NKAIN3: variants seen among roughly 807,000 people sequenced by gnomAD.
The protein encoded by NKAIN3 is sodium/potassium-transporting ATPase subunit beta-1-interacting protein 3.
In NKAIN3, 25 loss-of-function variants were observed where a neutral mutation model predicts 30.2. The observed-to-expected ratio is 0.83, with a 90% CI of 0.60 to 1.16. NKAIN3 has a LOEUF of 1.16. NKAIN3 is among the 50% of genes most tolerant of loss of function. The probability of loss-of-function intolerance (pLI) is 0.00; values close to 1 mark genes in which losing one functional copy is unlikely to be tolerated. For synonymous variants in NKAIN3, 91 were observed against 89.6 expected (o/e 1.02, Z -0.09); for missense variants, 225 against 254.1 (o/e 0.89, Z 0.78).
intron 1 of NKAIN3, among the ~76,000 whole-genome samples, chr8:62,524,225 A>AAC (rs1808236009): frequency 1.3e-5 from 2 of 148,310 alleles, no homozygotes; most frequent in Admixed American, 1.3e-4. Flanking sequence ...CCCCCACCAA[A>AAC]ATATATATAT....
chr8:62,993,922 A>G (rs945971614), intron 5 of NKAIN3, among the ~76,000 whole-genome samples: 4 of 152,228 alleles, frequency 2.6e-5, no homozygotes, highest in Non-Finnish European at 4.4e-5. Flanking sequence ...AGCATGCCCC[A>G]TAACTTATAA....
At chr8:62,319,849 T>C (rs1814808750) in intron 1 of NKAIN3, among the ~76,000 whole-genome samples, 1 of 152,188 alleles carries the variant, frequency 6.6e-6, no homozygotes, top group Non-Finnish European at 1.5e-5. Flanking sequence ...CTATTAGGTC[T>C]GCTTGGTGCT....
chr8:62,826,588 C>T (rs530683520), intron 4 of NKAIN3, among the ~76,000 whole-genome samples: 15 of 152,152 alleles, frequency 9.9e-5, no homozygotes, highest in South Asian at 4.1e-4. Context: ...AATGGATGAA[C>T]GTAGAGAAAT....
At chr8:62,612,871 ACAAG>A (rs1811338159) in intron 3 of NKAIN3, among the ~76,000 whole-genome samples, 1 of 152,110 alleles carries the variant, frequency 6.6e-6, no homozygotes, top group Non-Finnish European at 1.5e-5. Context: ...ATTTGCATAA[ACAAG>A]CAAGCAAAAA....
At chr8:62,964,280 T>C (rs1038334650) in intron 6 of NKAIN3, among the ~76,000 whole-genome samples, 3 of 152,126 alleles carry the variant, frequency 2.0e-5, no homozygotes, top group Non-Finnish European at 4.4e-5. Context: ...AGACTTTTCA[T>C]AGGAGAGAAA....
chr8:62,800,302 T>C lies in NKAIN3; in HGVS notation c.471+53173T>C, dbSNP rs1818013362. Among the ~76,000 whole-genome samples the C allele has an allele frequency of 2.0e-5, 3 of 152,232 alleles. No individual in the cohort carries two copies. The South Asian group carries it at 6.2e-4, about 31-fold the overall frequency. ...TTTTGTATATGCCAGTGGTTGATTC[T>C]GCCAATTATTACTCGTGGAGGGGTT... On this transcript the variant is annotated intron_variant, in intron 4 of 6. Coordinates refer to ENST00000623646, the MANE Select transcript of NKAIN3 (RefSeq NM_001304533.3).
chr8:62,335,720 C>T (rs1465407011), intron 1 of NKAIN3, among the ~76,000 whole-genome samples: 1 of 152,000 alleles, frequency 6.6e-6, no homozygotes, highest in African/African-American at 2.4e-5. Context: ...TCACTAGATC[C>T]TTAACTAGGC....
rs533712777 is a variant in NKAIN3 at position 62,851,417 on chromosome 8, C to CT, written c.472-67034dup. The stretch of plus-strand genomic sequence containing the variant: ...TCCTCTGCAAACAGGGACAATTTGA[C>CT]TTCCTCTTTTCCTAATTGAATACCC... On this transcript the variant is annotated intron_variant, in intron 4 of 6. Transcript: ENST00000623646. 7.1e-4 allele frequency among the ~76,000 whole-genome samples: 108 copies of CT among 152,302 alleles called. 1 individual carries two copies. The East Asian group carries it at 0.019, about 26-fold the overall frequency.
In NKAIN3 at chr8:62,975,521, A is replaced by G. The variant is rs1331101216; in HGVS notation, c.*10114A>G. Among the ~76,000 whole-genome samples, 1 of 152,094 alleles carries G rather than the reference A, an allele frequency of 6.6e-6. No homozygotes were observed. Among genetic ancestry groups the G allele is most frequent in the Non-Finnish European group, 1.5e-5 (1 of 67,990 alleles). ...GATTAGTGGTGATCTCCACTTTATC[A>G]CTTTTTATTGTGTCTATTTGATTCT... On this transcript the variant is annotated 3_prime_UTR_variant, in exon 7 of 7. Coordinates refer to ENST00000623646, the MANE Select transcript of NKAIN3 (RefSeq NM_001304533.3).
chr8:62,857,619 T>C (rs1319409574), intron 4 of NKAIN3, among the ~76,000 whole-genome samples: 1 of 152,236 alleles, frequency 6.6e-6, no homozygotes, highest in Non-Finnish European at 1.5e-5. Flanking sequence ...TGAAATTCTT[T>C]CTTCCACTTG....
chr8:62,499,818 G>GTTTC lies in NKAIN3; in HGVS notation c.55-79704_55-79701dup, dbSNP rs377627927. Among the ~76,000 whole-genome samples the GTTTC allele has an allele frequency of 5.1e-3, 491 of 96,086 alleles. 2 individuals are homozygous for GTTTC. Among genetic ancestry groups the GTTTC allele is most frequent in the African/African-American group, 0.013 (441 of 33,148 alleles). 63.0% of individuals were successfully genotyped at this position (96,086 alleles called of 152,430 possible). A position where few individuals can be genotyped will look rare whatever the true frequency, so the allele number is the denominator to read the frequency against. ...AAGCTGTGATCAGGTTTGTTTGTTT[G>GTTTC]TTTCTTTCTTTCTTTCTTTCCTTCT... On this transcript the variant is annotated intron_variant, in intron 1 of 6. Transcript: ENST00000623646.
intron 1 of NKAIN3, among the ~76,000 whole-genome samples, chr8:62,566,594 C>G (rs1809757012): frequency 1.3e-5 from 2 of 152,140 alleles, no homozygotes; most frequent in Admixed American, 1.3e-4. Flanking sequence ...TTCCACATTA[C>G]TTTAATCATA....
intron 3 of NKAIN3, among the ~76,000 whole-genome samples, chr8:62,638,101 G>T (rs1324111184): frequency 6.6e-6 from 1 of 152,104 alleles, no homozygotes; most frequent in Non-Finnish European, 1.5e-5. Flanking sequence ...CTCCAACTAT[G>T]AGTGTTCCTA....
intron 1 of NKAIN3, among the ~76,000 whole-genome samples, chr8:62,382,148 G>C (rs1817298127): frequency 6.6e-6 from 1 of 152,036 alleles, no homozygotes; most frequent in Non-Finnish European, 1.5e-5. Context: ...TGACTGGAAG[G>C]CTTATGGTTA....
chr8:62,908,161 C>A (rs1179860427), intron 4 of NKAIN3, among the ~76,000 whole-genome samples: 1 of 152,136 alleles, frequency 6.6e-6, no homozygotes, highest in African/African-American at 2.4e-5. Context: ...GCGCTTACTG[C>A]CCTGCTGGAT....
intron 3 of NKAIN3, among the ~76,000 whole-genome samples, chr8:62,610,870 GT>G (rs1563482563): frequency 6.6e-6 from 1 of 151,906 alleles, no homozygotes; most frequent in African/African-American, 2.4e-5. Context: ...GCCCTACTAC[GT>G]TTTTTACTAT....
intron 4 of NKAIN3, among the ~76,000 whole-genome samples, chr8:62,759,590 C>T (rs1181386351): frequency 6.6e-6 from 1 of 152,050 alleles, no homozygotes; most frequent in Non-Finnish European, 1.5e-5. Flanking sequence ...TTGGATAAGA[C>T]AGCAATTTAA....
chr8:62,973,782 G>T lies in NKAIN3; in HGVS notation c.*8375G>T, dbSNP rs1823885167. 6.6e-6 allele frequency among the ~76,000 whole-genome samples: 1 copy of T among 152,120 alleles called. No individual in the cohort carries two copies. Among genetic ancestry groups the T allele is most frequent in the Non-Finnish European group, 1.5e-5 (1 of 68,036 alleles). ...GGTATTGCTTAGGTTTTCTTCTAGG[G>T]TTTTAATGGCTTTGGGTTTTACATT... On this transcript the variant is annotated 3_prime_UTR_variant, in exon 7 of 7. Coordinates refer to ENST00000623646, the MANE Select transcript of NKAIN3 (RefSeq NM_001304533.3).
Position 62,983,541 on chromosome 8 carries a change from T to G in NKAIN3, c.*18134T>G, listed in dbSNP as rs1243583402. ...CAAATTCACATTTTAATTTAGGGAG[T>G]TTAGGAGATACATCCTAGTGTGGAT... On this transcript the variant is annotated 3_prime_UTR_variant, in exon 7 of 7. Coordinates refer to ENST00000623646, the MANE Select transcript of NKAIN3 (RefSeq NM_001304533.3). 1 of 152,094 alleles carries G rather than the reference T, an allele frequency of 6.6e-6. No homozygotes were observed. 9.4% of individuals were successfully genotyped at this position (152,094 alleles called of 1,614,324 possible).
Sources: gnomAD v4.1 joint callset for allele counts (sites outside exome capture counted in the v4.1 genomes callset) on GRCh38, gnomAD v4.1.1 for gene constraint, MANE v1.5 for transcripts, NCBI Gene and HGNC (gene_info 2026-07-23, HGNC 2026-07-21) for gene names.